NPIPB11: variants seen among roughly 807,000 people sequenced by gnomAD.
NPIPB11 encodes the protein nuclear pore complex interacting protein family member B11.
NPIPB11 carries 17 observed loss-of-function variants against 32.8 expected under a neutral mutation model. The ratio of observed to expected loss-of-function variants is 0.52; its 90% CI spans 0.35 to 0.78. The LOEUF (loss-of-function observed/expected upper bound fraction) is 0.78, where lower values mean the gene tolerates loss of function less well. NPIPB11 is among the 30% of genes least tolerant of loss of function. NPIPB11 has a pLI of 0.01. For missense variants in NPIPB11, 537 were observed against 1,000.4 expected, an observed-to-expected ratio of 0.54 and a Z score of 6.25; for synonymous variants, 209 against 398.4, an observed-to-expected ratio of 0.52 and a Z score of 5.66.
At chr16:29,393,755 A>C (rs982363470) in intron 3 of NPIPB11, among the ~76,000 whole-genome samples, 193 bp downstream of exon 3, 11 of 152,180 alleles carry the variant, frequency 7.2e-5, no homozygotes, top group African/African-American at 1.2e-4. Context: ...TCTATTAAAC[A>C]AACAGTGACC....
chr16:29,393,296 G>A (rs1019305446), intron 3 of NPIPB11, among the ~76,000 whole-genome samples: 1 of 151,386 alleles, frequency 6.6e-6, no homozygotes, highest in Non-Finnish European at 1.5e-5. Flanking sequence ...TCACCTTCCG[G>A]CAGTTTGTCA....
At chr16:29,393,268 G>A (rs141322153) in intron 3 of NPIPB11, among the ~76,000 whole-genome samples, 174 of 151,586 alleles carry the variant, frequency 1.1e-3, no homozygotes, top group African/African-American at 4.0e-3. Flanking sequence ...ATCATGAGAC[G>A]CAGAGCAGTT....
At chr16:29,389,335 C>A (rs1394465961) in intron 5 of NPIPB11, among the ~76,000 whole-genome samples, 2 of 141,970 alleles carry the variant, frequency 1.4e-5, no homozygotes, top group Non-Finnish European at 3.0e-5. Context: ...GCACTCCAGC[C>A]TGGGCGACAG....
chr16:29,405,479 G>C (rs564406000), upstream of NPIPB11, among the ~76,000 whole-genome samples: 3 of 152,248 alleles, frequency 2.0e-5, no homozygotes, highest in East Asian at 5.8e-4. Context: ...CCGTCACCAC[G>C]TGTTAGTCAC....
chr16:29,392,186 A>C (rs918149782), intron 3 of NPIPB11, among the ~76,000 whole-genome samples: 15 of 152,116 alleles, frequency 9.9e-5, no homozygotes, highest in Non-Finnish European at 1.8e-4. Flanking sequence ...TTTCATAGGA[A>C]AGGTAGCTGG....
chr16:29,394,534 A>C (rs2142130368), intron 2 of NPIPB11, among the ~76,000 whole-genome samples: 1 of 151,288 alleles, frequency 6.6e-6, no homozygotes, highest in Non-Finnish European at 1.5e-5. Context: ...TCCTGGGCTC[A>C]AGCCATTCTC....
rs117162398 is a variant in NPIPB11, at chr16:29,401,730, T to C, written c.120+1953A>G. Among the ~76,000 whole-genome samples, 118 of 152,232 alleles carry C rather than the reference T, an allele frequency of 7.8e-4. 1 individual carries two copies. In the East Asian group the frequency reaches 0.021, roughly 27 times the overall value. On this transcript the variant is annotated intron_variant, in intron 2 of 7. Coordinates refer to ENST00000524087, the Ensembl canonical transcript of NPIPB11. ...AAGTGTGTCACCTCGAGGCAAGAGTTGGGAGCCATTGAGACTGGCCACCCT... is the reference window on the plus strand; with the variant it reads ...AAGTGTGTCACCTCGAGGCAAGAGTCGGGAGCCATTGAGACTGGCCACCCT...
At chr16:29,406,624 G>T (rs1450434590), upstream of NPIPB11, among the ~76,000 whole-genome samples, 2 of 152,222 alleles carry the variant, frequency 1.3e-5, no homozygotes, top group Admixed American at 6.5e-5. Context: ...TGAGACAGGA[G>T]AATTGCTTGA....
intron 2 of NPIPB11, among the ~76,000 whole-genome samples, chr16:29,400,504 GT>G (rs1310917143): frequency 1.3e-5 from 2 of 149,956 alleles, no homozygotes; most frequent in South Asian, 2.2e-4. Flanking sequence ...GAAGCAATCT[GT>G]TGAGCACCCG....
intron 2 of NPIPB11, among the ~76,000 whole-genome samples, chr16:29,403,051 G>C (rs1964034873): frequency 6.7e-6 from 1 of 149,166 alleles, no homozygotes; most frequent in African/African-American, 2.5e-5. Context: ...CTGTTGATTT[G>C]AATTTCCTTT....
intron 2 of NPIPB11, among the ~76,000 whole-genome samples, chr16:29,401,084 G>A (rs1450317662): frequency 1.3e-5 from 2 of 152,116 alleles, no homozygotes; most frequent in African/African-American, 4.8e-5. Flanking sequence ...GCCCCACGAT[G>A]TTTTGGGAGA....
Position 29,390,244 on chromosome 16 carries a change from C to T in NPIPB11, c.349+5G>A. 6.3e-7 allele frequency: 1 copy of T among 1,588,678 alleles called. No individual in the cohort carries two copies. The highest frequency in any genetic ancestry group is 8.5e-7 in the Non-Finnish European group (1 of 1,173,536). Reference sequence around the variant, plus strand: ...CACACTATGCGGATTCCAACAGAGCCATACCTTCCTGTCTACGGCGGTTGG... The same window carrying T: ...CACACTATGCGGATTCCAACAGAGCTATACCTTCCTGTCTACGGCGGTTGG... On this transcript the variant is annotated splice_donor_5th_base_variant and intron_variant, in intron 4 of 7. Transcript: ENST00000524087.
At chr16:29,391,056 C>T (rs1255824578) in intron 3 of NPIPB11, among the ~76,000 whole-genome samples, 2 of 150,504 alleles carry the variant, frequency 1.3e-5, no homozygotes, top group Non-Finnish European at 2.9e-5. Flanking sequence ...ATCACAAGGT[C>T]AAGAGATGGA....
At chr16:29,400,899 C>A (rs1963973009) in intron 2 of NPIPB11, among the ~76,000 whole-genome samples, 1 of 152,020 alleles carries the variant, frequency 6.6e-6, no homozygotes, top group Non-Finnish European at 1.5e-5. Flanking sequence ...CTGACCACTA[C>A]CCCCACTACC....
chr16:29,392,359 C>A (rs1319846471), intron 3 of NPIPB11, among the ~76,000 whole-genome samples: 1 of 151,404 alleles, frequency 6.6e-6, no homozygotes, highest in East Asian at 2.0e-4. Context: ...CGAAGTTGTC[C>A]AAGTCCAACA....
intron 3 of NPIPB11, 87 bp from the exon 4 acceptor site, chr16:29,390,435 T>A: frequency 1.3e-6 from 2 of 1,590,200 alleles, no homozygotes; most frequent in Admixed American, 3.3e-5. Context: ...GGCAGGTGGA[T>A]CACGGGGTCA....
upstream of NPIPB11, among the ~76,000 whole-genome samples, chr16:29,404,782 C>A (rs1347598411): frequency 6.8e-6 from 1 of 146,900 alleles, no homozygotes; most frequent in East Asian, 2.0e-4. Context: ...CAGTGGTCAC[C>A]TGTGCCAGCC....
At chr16:29,390,782 G>C (rs1247486520) in intron 3 of NPIPB11, among the ~76,000 whole-genome samples, 2 of 151,634 alleles carry the variant, frequency 1.3e-5, no homozygotes, top group Non-Finnish European at 2.9e-5. Context: ...TCACCAACAT[G>C]GAGAAACACT....
rs745602770 is a variant in NPIPB11, at chr16:29,383,003, G to T, written c.1929C>A (p.His643Gln). Reference sequence around the variant, plus strand: ...AGGGGAGTGAGCTGACGCTCGGAAGGTGTCTTGAGATTATCATCCGCTGAC... The same window carrying T: ...AGGGGAGTGAGCTGACGCTCGGAAGTTGTCTTGAGATTATCATCCGCTGAC... Residue 643 changes from histidine (H) to glutamine (Q), a missense_variant, in exon 8 of 8, where the codon CAC becomes CAA. Physicochemically the swap from His to Gln is conservative, Grantham distance 24. Coordinates refer to ENST00000524087, the Ensembl canonical transcript of NPIPB11. 8 of 1,606,102 alleles carry T rather than the reference G, an allele frequency of 5.0e-6. No individual in the cohort carries two copies. In the African/African-American group the frequency reaches 5.5e-5, roughly 11 times the overall value.
Sources: gnomAD v4.1 joint callset for allele counts (sites outside exome capture counted in the v4.1 genomes callset) on GRCh38, gnomAD v4.1.1 for gene constraint, MANE v1.5 for transcripts, NCBI Gene and HGNC (gene_info 2026-07-23, HGNC 2026-07-21) for gene names.